The following KCND3 variants were observed in gnomAD, a reference collection of about 807,000 sequenced individuals.
The protein encoded by KCND3 is A-type voltage-gated potassium channel KCND3.
A neutral mutation model predicts 51.1 loss-of-function variants in KCND3; 9 were observed. The observed-to-expected ratio is 0.18, with a 90% CI of 0.11 to 0.31. KCND3 has a LOEUF of 0.31. Among genes scored for constraint, KCND3 ranks in the 10% least tolerant of loss-of-function variants. The probability of loss-of-function intolerance (pLI) is 1.00; values close to 1 mark genes in which losing one functional copy is unlikely to be tolerated. For synonymous variants in KCND3, 349 were observed against 368.0 expected (o/e 0.95, Z 0.59); for missense variants, 526 against 903.8 (o/e 0.58, Z 5.36).
intron 2 of KCND3, among the ~76,000 whole-genome samples, chr1:111,920,461 C>T (rs1392220455): frequency 6.6e-6 from 1 of 152,270 alleles, no homozygotes; most frequent in Non-Finnish European, 1.5e-5. Context: ...ATATGGACTG[C>T]AAATAATTCC....
intron 2 of KCND3, among the ~76,000 whole-genome samples, chr1:111,839,680 A>G (rs183199720): frequency 2.0e-3 from 308 of 152,370 alleles, no homozygotes; most frequent in Non-Finnish European, 3.3e-3. Flanking sequence ...AGCACTTACC[A>G]TGCATTATCT....
At chr1:111,873,313 A>G (rs570692749) in intron 2 of KCND3, among the ~76,000 whole-genome samples, 1 of 152,336 alleles carries the variant, frequency 6.6e-6, no homozygotes, top group African/African-American at 2.4e-5. Context: ...AAATCTAGCC[A>G]GGACAAACGT....
chr1:111,782,541 T>G (rs575009129), intron 3 of KCND3, among the ~76,000 whole-genome samples: 10 of 152,128 alleles, frequency 6.6e-5, no homozygotes, highest in Admixed American at 5.2e-4. Flanking sequence ...TGGCTAGATA[T>G]TTACATTCAA....
chr1:111,792,410 C>G lies in KCND3; in HGVS notation c.1107-5304G>C, dbSNP rs570319345. On this transcript the variant is annotated intron_variant, in intron 2 of 7. Coordinates refer to ENST00000302127, the MANE Select transcript of KCND3 (RefSeq NM_001378969.1). The stretch of plus-strand genomic sequence containing the variant: ...ATGCCTCTGCTCTTTCCGTCATATC[C>G]TGCTCCTCCCAGGGTCAGGGAAGGA... 1.7e-4 allele frequency among the ~76,000 whole-genome samples: 26 copies of G among 152,308 alleles called. No individual in the cohort carries two copies. In the South Asian group the frequency reaches 3.7e-3, roughly 22 times the overall value.
intron 2 of KCND3, among the ~76,000 whole-genome samples, chr1:111,787,375 C>G (rs528683591): frequency 1.7e-4 from 26 of 152,246 alleles, no homozygotes; most frequent in African/African-American, 6.0e-4. Context: ...TACAAAGAGA[C>G]TAGAGAGAGG....
chr1:111,815,595 T>A (rs931240022), intron 2 of KCND3, among the ~76,000 whole-genome samples: 3 of 150,774 alleles, frequency 2.0e-5, no homozygotes, highest in Non-Finnish European at 4.4e-5. Flanking sequence ...GAATCCCCCT[T>A]ACCTGTGATG....
chr1:111,791,629 T>C (rs1664830116), intron 2 of KCND3, among the ~76,000 whole-genome samples: 1 of 152,226 alleles, frequency 6.6e-6, no homozygotes, highest in South Asian at 2.1e-4. Context: ...GATCCTGTGG[T>C]AGCGATGGTG....
At chr1:111,978,465 C>T (rs1463240033) in intron 2 of KCND3, among the ~76,000 whole-genome samples, 1 of 152,122 alleles carries the variant, frequency 6.6e-6, no homozygotes, top group African/African-American at 2.4e-5. Flanking sequence ...GACTCAAATG[C>T]CAGTGTAAAG....
chr1:111,828,503 C>G (rs780962135), intron 2 of KCND3, among the ~76,000 whole-genome samples: 14 of 100,172 alleles, frequency 1.4e-4, no homozygotes, highest in Middle Eastern at 5.4e-3. Flanking sequence ...CCACAAACAA[C>G]AGGTGTTATC....
intron 2 of KCND3, among the ~76,000 whole-genome samples, chr1:111,962,983 T>C (rs1365634986): frequency 6.6e-6 from 1 of 152,194 alleles, no homozygotes; most frequent in African/African-American, 2.4e-5. Context: ...GGATCTGGGA[T>C]AGCCCACTGG....
At chr1:111,954,321 G>A (rs10857915) in intron 2 of KCND3, among the ~76,000 whole-genome samples, 2 of 152,086 alleles carry the variant, frequency 1.3e-5, no homozygotes, top group South Asian at 2.1e-4. Flanking sequence ...AACTGTGCCC[G>A]CTACCCCACC....
chr1:111,975,025 T>G (rs1167537911), intron 2 of KCND3, among the ~76,000 whole-genome samples: 3 of 152,268 alleles, frequency 2.0e-5, no homozygotes, highest in African/African-American at 7.2e-5. Context: ...CTTCCTCTGC[T>G]GCAGCTATCA....
Position 111,770,706 on chromosome 1 carries a change from C to T in KCND3, c.*5371G>A, listed in dbSNP as rs1663882278. ...TAATTTGTTTAATCCAGATTGGATA[C>T]ATCAGGTACAGCAGTGGCACACGAC... is the stretch of plus-strand genomic sequence containing the variant. On this transcript the variant is annotated 3_prime_UTR_variant, in exon 8 of 8. Transcript: ENST00000302127. 1 of 152,068 alleles carries T rather than the reference C, an allele frequency of 6.6e-6. No individual in the cohort carries two copies. Among genetic ancestry groups the T allele is most frequent in the Admixed American group, 6.6e-5 (1 of 15,266 alleles). 9.4% of individuals were successfully genotyped at this position (152,068 alleles called of 1,614,324 possible). A position where few individuals can be genotyped will look rare whatever the true frequency, so the allele number is the denominator to read the frequency against.
At chr1:111,810,492 C>A (rs1043769653) in intron 2 of KCND3, among the ~76,000 whole-genome samples, 4 of 152,240 alleles carry the variant, frequency 2.6e-5, no homozygotes, top group Non-Finnish European at 5.9e-5. Context: ...CACCTTCTAA[C>A]TTTCTCTCCA....
chr1:111,867,352 C>T (rs1383848805), intron 2 of KCND3, among the ~76,000 whole-genome samples: 1 of 152,166 alleles, frequency 6.6e-6, no homozygotes, highest in Non-Finnish European at 1.5e-5. Context: ...CCTTTAGAAG[C>T]TGAAGGGCTT....
intron 2 of KCND3, among the ~76,000 whole-genome samples, chr1:111,839,133 T>A (rs531430049): frequency 6.6e-6 from 1 of 152,214 alleles, no homozygotes; most frequent in African/African-American, 2.4e-5. Context: ...AGAACGAGAA[T>A]CTTGCTTTTT....
chr1:111,819,773 T>C (rs1666265454), intron 2 of KCND3, among the ~76,000 whole-genome samples: 1 of 152,216 alleles, frequency 6.6e-6, no homozygotes, highest in Admixed American at 6.5e-5. Context: ...CCAGCACCTG[T>C]CACTGGCTTG....
At chr1:111,915,806 C>T (rs1324074608) in intron 2 of KCND3, among the ~76,000 whole-genome samples, 1 of 148,096 alleles carries the variant, frequency 6.8e-6, no homozygotes, top group East Asian at 2.0e-4. Context: ...ACAAAGTAGC[C>T]TTTAGAACAA....
chr1:111,900,935 C>T (rs1172390339), intron 2 of KCND3, among the ~76,000 whole-genome samples: 4 of 151,920 alleles, frequency 2.6e-5, no homozygotes, highest in South Asian at 2.1e-4. Context: ...CCAGCCTGGG[C>T]GACAAGAGTG....
Sources: gnomAD v4.1 joint callset for allele counts (sites outside exome capture counted in the v4.1 genomes callset) on GRCh38, gnomAD v4.1.1 for gene constraint, MANE v1.5 for transcripts, NCBI Gene and HGNC (gene_info 2026-07-23, HGNC 2026-07-21) for gene names.